The following TEX9 variants were observed in gnomAD, a reference collection of about 807,000 sequenced individuals.
TEX9 encodes testis expressed 9, also known as testis-expressed protein 9.
In TEX9, 74 loss-of-function variants were observed where a neutral mutation model predicts 59.6. The observed-to-expected ratio is 1.24, with a 90% confidence interval of 1.03 to 1.51. The LOEUF is 1.51. Ranked by LOEUF, TEX9 falls within the 40% of genes most tolerant of loss-of-function variation. TEX9 has a pLI of 0.00. For missense variants in TEX9, 522 were observed against 447.8 expected, an observed-to-expected ratio of 1.17 and a Z score of -1.49; for synonymous variants, 186 against 152.2, an observed-to-expected ratio of 1.22 and a Z score of -1.64.
intron 1 of TEX9, among the ~76,000 whole-genome samples, chr15:56,276,687 A>G (rs1288225935): frequency 6.6e-6 from 1 of 152,198 alleles, no homozygotes; most frequent in East Asian, 1.9e-4. Flanking sequence ...CTTTGAGTAT[A>G]TACCCAATAA....
chr15:56,424,348 C>T (rs1469293779), intron 10 of TEX9, among the ~76,000 whole-genome samples: 1 of 151,938 alleles, frequency 6.6e-6, no homozygotes, highest in Non-Finnish European at 1.5e-5. Flanking sequence ...TATCTTTTTC[C>T]ATCTTTTTAC....
intron 12 of TEX9, chr15:56,431,633 T>A: frequency 1.6e-6 from 1 of 608,968 alleles, no homozygotes; most frequent in Non-Finnish European, 2.5e-6. Flanking sequence ...AGATTCTAGA[T>A]AATATATATT....
intron 1 of TEX9, among the ~76,000 whole-genome samples, chr15:56,350,130 CCTAGTTTATTTGTTT>C (rs2046549850): frequency 6.6e-6 from 1 of 152,028 alleles, no homozygotes; most frequent in South Asian, 2.1e-4. Flanking sequence ...GCCCAGGCAC[CCTAGTTTATTTGTTT>C]ATCTTTGTAT....
intron 1 of TEX9, chr15:56,248,797 A>G (rs781072545): frequency 6.6e-6 from 1 of 152,228 alleles, no homozygotes; most frequent in Non-Finnish European, 1.5e-5. Context: ...CTAAATTGTG[A>G]CACTAAAAGT....
chr15:56,276,787 C>CCTA (rs1309047065), intron 1 of TEX9, among the ~76,000 whole-genome samples: 2 of 152,188 alleles, frequency 1.3e-5, no homozygotes, highest in Non-Finnish European at 1.5e-5. Context: ...AATTTACACT[C>CCTA]CTACCAACAG....
intron 10 of TEX9, among the ~76,000 whole-genome samples, chr15:56,413,244 A>AATTTAATTTATTTAATACTTAAATG (rs2049478745): frequency 6.9e-6 from 1 of 145,648 alleles, no homozygotes; most frequent in African/African-American, 2.5e-5. Context: ...ATACTTAAAT[A>AATTTAATTTATTTAATACTTAAATG]ATTTAATTTA....
chr15:56,403,091 C>G (rs961524947), intron 9 of TEX9, among the ~76,000 whole-genome samples: 3 of 152,256 alleles, frequency 2.0e-5, no homozygotes, highest in Non-Finnish European at 4.4e-5. Context: ...AGGATGCCCT[C>G]TCTCACCACT....
intron 1 of TEX9, chr15:56,323,499 A>C (rs2045947792): frequency 5.0e-6 from 1 of 199,024 alleles, no homozygotes; most frequent in South Asian, 1.0e-4. Context: ...ATAACACTGC[A>C]CAAATGACAA....
chr15:56,416,455 A>G (rs1046827697), intron 10 of TEX9, among the ~76,000 whole-genome samples: 1 of 151,928 alleles, frequency 6.6e-6, no homozygotes, highest in South Asian at 2.1e-4. Context: ...CCTGTTCTGC[A>G]TCTATTGAGG....
chr15:56,420,120 C>T (rs1356966002), intron 10 of TEX9, among the ~76,000 whole-genome samples: 1 of 151,480 alleles, frequency 6.6e-6, no homozygotes, highest in African/African-American at 2.4e-5. Flanking sequence ...TGGGTCATTC[C>T]CCCCTCTCAT....
At chr15:56,389,381 G>A (rs1424171104) in exon 6 of TEX9, 1 of 1,609,774 alleles carries the variant, frequency 6.2e-7, no homozygotes, top group Non-Finnish European at 8.5e-7. Flanking sequence ...TGCAAATAAA[G>A]GAAGGAAAAC....
At chr15:56,367,878 C>T (rs1433098956) in intron 2 of TEX9, among the ~76,000 whole-genome samples, 1 of 152,150 alleles carries the variant, frequency 6.6e-6, no homozygotes, top group Non-Finnish European at 1.5e-5. Flanking sequence ...CGTTTATATA[C>T]ACACAGATCT....
intron 1 of TEX9, among the ~76,000 whole-genome samples, chr15:56,258,661 C>T (rs2044196533): frequency 6.6e-6 from 1 of 151,610 alleles, no homozygotes; most frequent in South Asian, 2.1e-4. Context: ...TCCTTTCCTC[C>T]ATTTTGTTGG....
At chr15:56,260,306 C>T (rs2044235499) in intron 1 of TEX9, among the ~76,000 whole-genome samples, 2 of 151,924 alleles carry the variant, frequency 1.3e-5, no homozygotes, top group South Asian at 4.1e-4. Flanking sequence ...TGAGTGGTTT[C>T]TGAATTCAGG....
At chr15:56,414,050 C>T (rs1343812417) in intron 10 of TEX9, among the ~76,000 whole-genome samples, 6 of 151,728 alleles carry the variant, frequency 4.0e-5, no homozygotes, top group South Asian at 2.1e-4. Flanking sequence ...GCATGTTATT[C>T]GAGTATTATT....
chr15:56,322,423 C>A (rs764938050), intron 1 of TEX9, among the ~76,000 whole-genome samples: 39 of 152,132 alleles, frequency 2.6e-4, no homozygotes, highest in Non-Finnish European at 4.9e-4. Context: ...CGTGGTCATG[C>A]AGAAATGGTC....
At chr15:56,457,970 G>C in the TEX9 span, among the ~76,000 whole-genome samples, 1,260 of 152,196 alleles carry the variant, frequency 8.3e-3, 20 homozygotes, top group African/African-American at 0.029. Flanking sequence ...AAATACTCCA[G>C]ACATCCTTCA....
chr15:56,394,454 C>A (rs562895817), intron 8 of TEX9: 1 of 618,556 alleles, frequency 1.6e-6, no homozygotes, highest in Non-Finnish European at 2.7e-6. Context: ...AATTAGAATT[C>A]TCTATATTAG....
chr15:56,363,759 T>C (rs1384905405), upstream of TEX9, among the ~76,000 whole-genome samples: 3 of 151,846 alleles, frequency 2.0e-5, no homozygotes, highest in African/African-American at 4.8e-5. Flanking sequence ...TTGATCTCCC[T>C]GGCTCAAGTG....
Sources: allele counts gnomAD v4.1 joint callset (sites outside exome capture counted in the v4.1 genomes callset), GRCh38; gene constraint gnomAD v4.1.1; transcripts MANE v1.5; gene names NCBI Gene and HGNC (gene_info 2026-07-23, HGNC 2026-07-21).